MDGA2: variants seen among roughly 807,000 people sequenced by gnomAD.
The protein encoded by MDGA2 is MAM domain containing glycosylphosphatidylinositol anchor 2, also known as MAM domain-containing glycosylphosphatidylinositol anchor protein 2.
Under a neutral mutation model 117.8 loss-of-function variants are expected in MDGA2, and 40 were observed. The observed-to-expected ratio is 0.34, with a 90% CI of 0.26 to 0.44. The LOEUF (loss-of-function observed/expected upper bound fraction) is 0.44. Ranked by LOEUF, MDGA2 falls within the 20% of genes least tolerant of loss-of-function variation. The pLI is 1.00. For synonymous variants in MDGA2, 452 were observed against 439.0 expected, an observed-to-expected ratio of 1.03 and a Z score of -0.37; for missense variants, 1,123 against 1,250.6, an observed-to-expected ratio of 0.90 and a Z score of 1.54.
At chr14:47,591,844 C>G (rs1219664852) in intron 1 of MDGA2, among the ~76,000 whole-genome samples, 1 of 152,022 alleles carries the variant, frequency 6.6e-6, no homozygotes, top group African/African-American at 2.4e-5. Flanking sequence ...TGGGCAAAAG[C>G]TAAAAGCATT....
chr14:46,846,320 T>C (rs992089685), intron 15 of MDGA2, among the ~76,000 whole-genome samples: 2 of 152,138 alleles, frequency 1.3e-5, no homozygotes, highest in Non-Finnish European at 2.9e-5. Flanking sequence ...AATATGTATA[T>C]TGAAGCCCGG....
chr14:47,589,235 G>A (rs886786634), intron 1 of MDGA2, among the ~76,000 whole-genome samples: 4 of 151,792 alleles, frequency 2.6e-5, no homozygotes, highest in Non-Finnish European at 5.9e-5. Context: ...TTTTGATGTT[G>A]TTTCTAAGAA....
At chr14:47,230,505 C>T (rs1291297153) in intron 2 of MDGA2, among the ~76,000 whole-genome samples, 1 of 151,968 alleles carries the variant, frequency 6.6e-6, no homozygotes, top group South Asian at 2.1e-4. Context: ...AAACATCTGC[C>T]CCTCTGCATT....
intron 9 of MDGA2, among the ~76,000 whole-genome samples, chr14:46,943,589 T>A (rs1885070812): frequency 6.6e-6 from 1 of 152,072 alleles, no homozygotes; most frequent in Admixed American, 6.6e-5. Flanking sequence ...AGTTAACATA[T>A]CACATTCCAT....
At chr14:47,626,151 A>G (rs527841994) in intron 1 of MDGA2, among the ~76,000 whole-genome samples, 1 of 152,330 alleles carries the variant, frequency 6.6e-6, no homozygotes, top group East Asian at 1.9e-4. Context: ...TTTGCATTCT[A>G]TCTATCAACA....
At chr14:47,444,845 C>A (rs1250141516) in intron 1 of MDGA2, among the ~76,000 whole-genome samples, 1 of 152,058 alleles carries the variant, frequency 6.6e-6, no homozygotes, top group African/African-American at 2.4e-5. Context: ...CCAGCTAAAC[C>A]TTACTTTTCT....
At chr14:47,144,349 C>A in intron 3 of MDGA2, 75 bp from the exon 4 acceptor site, 1 of 1,116,530 alleles carries the variant, frequency 9.0e-7, no homozygotes, top group Non-Finnish European at 1.2e-6. Flanking sequence ...TTATATAACC[C>A]AACCAAAAAT....
intron 10 of MDGA2, among the ~76,000 whole-genome samples, chr14:46,902,280 G>A (rs1048873536): frequency 1.8e-4 from 27 of 152,044 alleles, no homozygotes; most frequent in African/African-American, 6.3e-4. Flanking sequence ...AACGTAAGTG[G>A]TAATCAGTGG....
intron 1 of MDGA2, among the ~76,000 whole-genome samples, chr14:47,645,795 G>C (rs753986619): frequency 6.6e-6 from 1 of 151,772 alleles, no homozygotes; most frequent in African/African-American, 2.4e-5. Context: ...AAAACTGGCT[G>C]GGCGCGGTGG....
At chr14:46,868,290 C>T (rs1491907) in intron 14 of MDGA2, among the ~76,000 whole-genome samples, 55,587 of 151,678 alleles carry the variant, frequency 0.37, 10,874 homozygotes, top group South Asian at 0.53. Flanking sequence ...GATGATTAAA[C>T]AGGAGAAAAA....
chr14:47,579,152 C>A (rs1428039669), intron 1 of MDGA2, among the ~76,000 whole-genome samples: 3 of 151,926 alleles, frequency 2.0e-5, no homozygotes, highest in African/African-American at 7.2e-5. Flanking sequence ...CAAATGAATT[C>A]TTGGATAAAA....
intron 1 of MDGA2, among the ~76,000 whole-genome samples, chr14:47,628,764 TC>T (rs1897199153): frequency 2.0e-5 from 3 of 152,158 alleles, no homozygotes; most frequent in Admixed American, 2.0e-4. Context: ...AAGATTTTTT[TC>T]CCCCCAGCTG....
intron 1 of MDGA2, among the ~76,000 whole-genome samples, chr14:47,535,081 C>T (rs529998007): frequency 9.8e-4 from 149 of 152,146 alleles, no homozygotes; most frequent in South Asian, 2.5e-3. Context: ...TCTTCAGAAC[C>T]TATTTGTCAA....
chr14:47,132,473 G>C (rs1236093330), intron 4 of MDGA2, among the ~76,000 whole-genome samples: 1 of 151,822 alleles, frequency 6.6e-6, no homozygotes, highest in Non-Finnish European at 1.5e-5. Flanking sequence ...AGAGTTTAAG[G>C]GGTAACTCTC....
intron 10 of MDGA2, among the ~76,000 whole-genome samples, chr14:46,890,819 C>T (rs938196940): frequency 4.6e-5 from 7 of 151,936 alleles, no homozygotes; most frequent in African/African-American, 1.7e-4. Flanking sequence ...TCTTGCCCTG[C>T]GATCACAGAA....
At chr14:47,566,028 A>G (rs1181927883) in intron 1 of MDGA2, among the ~76,000 whole-genome samples, 2 of 152,198 alleles carry the variant, frequency 1.3e-5, no homozygotes, top group Non-Finnish European at 2.9e-5. Flanking sequence ...AACAGCAGCA[A>G]TGGCATGGTG....
intron 3 of MDGA2, chr14:47,200,534 C>CTT (rs10639284): frequency 0.014 from 5,951 of 417,666 alleles, 40 homozygotes; most frequent in East Asian, 0.032. Context: ...TTTTTCTTTT[C>CTT]TTTTTTTTTT....
intron 1 of MDGA2, among the ~76,000 whole-genome samples, chr14:47,476,944 C>A (rs1317843921): frequency 6.6e-6 from 1 of 151,902 alleles, no homozygotes; most frequent in African/African-American, 2.4e-5. Flanking sequence ...GGTGTATCAC[C>A]GGAGGTCAGG....
intron 6 of MDGA2, among the ~76,000 whole-genome samples, chr14:47,072,908 T>A (rs533832558): frequency 2.5e-4 from 38 of 152,284 alleles, no homozygotes; most frequent in African/African-American, 8.9e-4. Flanking sequence ...AGCCTGTTAA[T>A]CCTAATTATA....
Sources: allele counts gnomAD v4.1 joint callset (sites outside exome capture counted in the v4.1 genomes callset), GRCh38; gene constraint gnomAD v4.1.1; transcripts MANE v1.5; gene names NCBI Gene and HGNC (gene_info 2026-07-23, HGNC 2026-07-21).